Variants in CREB1 observed in about 807,000 individuals in gnomAD.
CREB1 encodes the protein cyclic AMP-responsive element-binding protein 1.
CREB1 carries 2 observed loss-of-function variants against 42.0 expected under a neutral mutation model. The ratio of observed to expected loss-of-function variants is 0.05; its 90% CI spans 0.02 to 0.15. The LOEUF (loss-of-function observed/expected upper bound fraction) is 0.15. Ranked by LOEUF, CREB1 falls within the 10% of genes least tolerant of loss-of-function variation. The pLI is 1.00. For synonymous variants in CREB1, 123 were observed against 139.9 expected (o/e 0.88, Z 0.85); for missense variants, 199 against 388.9 (o/e 0.51, Z 4.11).
At chr2:207,581,534 C>T (rs1373702893) in intron 7 of CREB1, 1 of 221,820 alleles carries the variant, frequency 4.5e-6, no homozygotes, top group Non-Finnish European at 8.9e-6. Context: ...TCTAATTTCA[C>T]CATCTAAAAT....
At chr2:207,533,461 C>T (rs1334696296) in intron 1 of CREB1, among the ~76,000 whole-genome samples, 16 of 152,002 alleles carry the variant, frequency 1.1e-4, no homozygotes, top group Admixed American at 7.9e-4. Context: ...TTTTTAAATT[C>T]TACTTTTTAT....
chr2:207,534,565 C>T (rs1295994264), intron 1 of CREB1: 1 of 152,146 alleles, frequency 6.6e-6, no homozygotes, highest in African/African-American at 2.4e-5. Flanking sequence ...TACAACAAAT[C>T]CAAAGATGAA....
chr2:207,559,989 A>G (rs937096306), intron 2 of CREB1, among the ~76,000 whole-genome samples: 1 of 152,212 alleles, frequency 6.6e-6, no homozygotes, highest in East Asian at 1.9e-4. Context: ...ACATGGGAAT[A>G]GTTTTTAATT....
chr2:207,587,972 A>G (rs916343238), intron 7 of CREB1, among the ~76,000 whole-genome samples: 4 of 152,212 alleles, frequency 2.6e-5, no homozygotes, highest in African/African-American at 9.6e-5. Context: ...CAACAAAATG[A>G]TAAGTTTGAG....
rs2106747492 is a variant in CREB1, at chr2:207,605,490, T to C, written c.*8432T>C. ...AGTTTTTGCTTTATAATGTCCTCAT[T>C]GTTTTCAAACTTACTTTATGTAATA... On this transcript the variant is annotated 3_prime_UTR_variant, in exon 8 of 8. Coordinates refer to ENST00000353267, the MANE Select transcript of CREB1 (RefSeq NM_004379.5). Among the ~76,000 whole-genome samples the C allele has an allele frequency of 1.3e-5, 2 of 152,314 alleles. No homozygotes were observed. Among genetic ancestry groups the C allele is most frequent in the Middle Eastern group, 3.4e-3 (1 of 294 alleles).
At chr2:207,581,347 TA>T in intron 7 of CREB1, 1 of 198,812 alleles carries the variant, frequency 5.0e-6, no homozygotes, top group Non-Finnish European at 1.0e-5. Context: ...TATATACAAC[TA>T]GCCATTAAGA....
Position 207,596,845 on chromosome 2 carries a change from A to G in CREB1, c.840-69A>G. 2.6e-6 allele frequency: 4 copies of G among 1,560,844 alleles called. No individual in the cohort carries two copies. In the Admixed American group the frequency reaches 8.7e-5, roughly 34 times the overall value. On this transcript the variant is annotated intron_variant, in intron 7 of 7. Coordinates refer to ENST00000353267, the MANE Select transcript of CREB1 (RefSeq NM_004379.5). ...GAGCTATTTCTTTAAAAAAGAAAAA[A>G]AAAAGGTAATCCAAAATAAATATGT... is the stretch of plus-strand genomic sequence containing the variant.
chr2:207,563,320 AG>A (rs2082021963), intron 3 of CREB1, among the ~76,000 whole-genome samples: 1 of 152,220 alleles, frequency 6.6e-6, no homozygotes, highest in Non-Finnish European at 1.5e-5. Flanking sequence ...TTAAAACCCT[AG>A]GAATAGAACT....
chr2:207,534,131 G>T (rs2080767573), intron 1 of CREB1, among the ~76,000 whole-genome samples: 1 of 152,206 alleles, frequency 6.6e-6, no homozygotes, highest in Non-Finnish European at 1.5e-5. Context: ...GATCAGTGTA[G>T]AACAACTACC....
At chr2:207,544,548 G>A (rs1190514366) in intron 1 of CREB1, among the ~76,000 whole-genome samples, 2 of 152,160 alleles carry the variant, frequency 1.3e-5, no homozygotes, top group Non-Finnish European at 2.9e-5. Flanking sequence ...TGAGAGAAAG[G>A]TTCTTTTTTA....
chr2:207,555,621 A>T lies in CREB1; in HGVS notation c.-8-7A>T. The T allele has an allele frequency of 6.4e-7, 1 of 1,552,604 alleles. No homozygotes were observed. The highest frequency in any genetic ancestry group is 8.9e-7 in the Non-Finnish European group (1 of 1,125,604). The stretch of plus-strand genomic sequence containing the variant: ...GGTGCTTGTAACACTCTTCCATATT[A>T]TTATAGGTAACTAAATGACCATGGA... On this transcript the variant is annotated splice_region_variant and splice_polypyrimidine_tract_variant and intron_variant, in intron 1 of 7. Coordinates refer to ENST00000353267, the MANE Select transcript of CREB1 (RefSeq NM_004379.5).
At chr2:207,537,078 C>A (rs138820161) in intron 1 of CREB1, among the ~76,000 whole-genome samples, 1 of 150,888 alleles carries the variant, frequency 6.6e-6, no homozygotes, top group Non-Finnish European at 1.5e-5. Flanking sequence ...GTTGTTGAGA[C>A]GGAGTCTTTC....
intron 2 of CREB1, among the ~76,000 whole-genome samples, chr2:207,559,740 T>C (rs1315259598): frequency 6.6e-6 from 1 of 152,214 alleles, no homozygotes; most frequent in East Asian, 1.9e-4. Context: ...TTTAACATGA[T>C]ATTCTTTAGA....
chr2:207,553,908 T>C (rs2081613353), intron 1 of CREB1, among the ~76,000 whole-genome samples: 2 of 152,222 alleles, frequency 1.3e-5, no homozygotes, highest in Non-Finnish European at 2.9e-5. Flanking sequence ...TACAACAATT[T>C]GTTTTACTTT....
At chr2:207,574,424 C>T (rs2082492671) in intron 5 of CREB1, among the ~76,000 whole-genome samples, 1 of 152,132 alleles carries the variant, frequency 6.6e-6, no homozygotes, top group Non-Finnish European at 1.5e-5. Context: ...AATAAATCAT[C>T]TAATTTTTAA....
At chr2:207,534,161 C>G (rs2080769487) in intron 1 of CREB1, among the ~76,000 whole-genome samples, 1 of 152,202 alleles carries the variant, frequency 6.6e-6, no homozygotes, top group Non-Finnish European at 1.5e-5. Flanking sequence ...TGGGGGTTAA[C>G]TATAAAGTAA....
intron 4 of CREB1, among the ~76,000 whole-genome samples, chr2:207,569,527 AT>A (rs1435164726): frequency 6.6e-6 from 1 of 151,568 alleles, no homozygotes; most frequent in African/African-American, 2.4e-5. Flanking sequence ...CCTTTAGTTG[AT>A]TGTTGACTTT....
intron 7 of CREB1, among the ~76,000 whole-genome samples, chr2:207,587,586 TAC>T (rs1007543496): frequency 2.0e-5 from 3 of 152,120 alleles, no homozygotes; most frequent in Non-Finnish European, 4.4e-5. Context: ...GCAGTATATA[TAC>T]ACAGTGGTAT....
At chr2:207,542,780 G>A (rs2081147263) in intron 1 of CREB1, among the ~76,000 whole-genome samples, 2 of 152,060 alleles carry the variant, frequency 1.3e-5, no homozygotes, top group South Asian at 4.2e-4. Flanking sequence ...TGAAGGCCCA[G>A]GCAAACAAGA....
Sources: gnomAD v4.1 joint callset for allele counts (sites outside exome capture counted in the v4.1 genomes callset) on GRCh38, gnomAD v4.1.1 for gene constraint, MANE v1.5 for transcripts, NCBI Gene and HGNC (gene_info 2026-07-23, HGNC 2026-07-21) for gene names.